The following GRM1 variants were observed in gnomAD, a reference collection of about 807,000 sequenced individuals.
The protein encoded by GRM1 is glutamate metabotropic receptor 1.
A neutral mutation model predicts 90.9 loss-of-function variants in GRM1; 33 were observed. That is an observed-to-expected ratio of 0.36 (90% CI 0.28 to 0.49). The LOEUF (loss-of-function observed/expected upper bound fraction) is 0.49. Among genes scored for constraint, GRM1 ranks in the 20% least tolerant of loss-of-function variants. The probability of loss-of-function intolerance (pLI) is 0.99; values close to 1 mark genes in which losing one functional copy is unlikely to be tolerated. For synonymous variants in GRM1, 700 were observed against 613.2 expected (o/e 1.14, Z -2.09); for missense variants, 1,190 against 1,534.3 (o/e 0.78, Z 3.75).
chr6:146,315,768 G>T (rs1376361818), intron 3 of GRM1, among the ~76,000 whole-genome samples: 2 of 152,174 alleles, frequency 1.3e-5, no homozygotes, highest in African/African-American at 2.4e-5. Flanking sequence ...CAAGTTGAGA[G>T]CCTGCTAAGG....
At chr6:146,407,855 A>T (rs533831493) in intron 7 of GRM1, among the ~76,000 whole-genome samples, 3 of 152,336 alleles carry the variant, frequency 2.0e-5, no homozygotes, top group East Asian at 3.9e-4. Context: ...TTCCCAAAAA[A>T]TTCATGGTAT....
chr6:146,310,662 T>C (rs919221385), intron 3 of GRM1, among the ~76,000 whole-genome samples: 3 of 152,228 alleles, frequency 2.0e-5, no homozygotes, highest in Non-Finnish European at 4.4e-5. Flanking sequence ...GTTTAGGCCT[T>C]AAGAGACTTG....
intron 3 of GRM1, among the ~76,000 whole-genome samples, chr6:146,327,967 A>G (rs1784452135): frequency 6.6e-6 from 1 of 152,164 alleles, no homozygotes; most frequent in African/African-American, 2.4e-5. Context: ...CTGGATTTCC[A>G]CAGGCAAGGA....
intron 7 of GRM1, among the ~76,000 whole-genome samples, chr6:146,411,559 A>G (rs538570267): frequency 6.6e-6 from 1 of 152,214 alleles, no homozygotes; most frequent in African/African-American, 2.4e-5. Context: ...GTGTTTCAGA[A>G]CTATCACTGT....
At position 146,133,109 on chromosome 6, in the gene GRM1, A is replaced by G. The variant is rs568085787; in HGVS notation, c.701-26239A>G. Among the ~76,000 whole-genome samples the G allele has an allele frequency of 2.6e-5, 4 of 152,332 alleles. No homozygotes were observed. The South Asian group carries it at 6.2e-4, about 24-fold the overall frequency. On this transcript the variant is annotated intron_variant, in intron 1 of 7. Transcript: ENST00000282753. The stretch of plus-strand genomic sequence containing the variant: ...GGAGGCTATCATATGGCAGGCAGTC[A>G]TAGAGCTTGGCAAACTGTCCTTGGA...
Position 146,332,821 on chromosome 6 carries a change from T to C in GRM1, c.1187-19429T>C, listed in dbSNP as rs1453679108. 2.0e-5 allele frequency among the ~76,000 whole-genome samples: 3 copies of C among 152,148 alleles called. No homozygotes were observed. In the East Asian group the frequency reaches 5.8e-4, roughly 29 times the overall value. ...CTCAAAATCACTTTTTAAATTTCAA[T>C]TCCATGAGCTTGGCGACCCTGCCAT... On this transcript the variant is annotated intron_variant, in intron 3 of 7. Transcript: ENST00000282753.
intron 2 of GRM1, among the ~76,000 whole-genome samples, chr6:146,301,139 A>C (rs1367605073): frequency 6.6e-6 from 1 of 152,162 alleles, no homozygotes; most frequent in Non-Finnish European, 1.5e-5. Context: ...TAACTCTTTA[A>C]AACATATCCA....
intron 1 of GRM1, among the ~76,000 whole-genome samples, chr6:146,153,962 A>T (rs1182992167): frequency 1.3e-5 from 2 of 152,216 alleles, no homozygotes; most frequent in East Asian, 3.8e-4. Context: ...AAGAATCAGG[A>T]CAGAGCTGTT....
chr6:146,337,225 C>A (rs757293789), intron 3 of GRM1, among the ~76,000 whole-genome samples: 1 of 152,188 alleles, frequency 6.6e-6, no homozygotes, highest in Non-Finnish European at 1.5e-5. Context: ...AGCCCACTGC[C>A]CAGACCCAGC....
intron 1 of GRM1, among the ~76,000 whole-genome samples, chr6:146,086,235 T>C (rs183815924): frequency 1.3e-5 from 2 of 152,272 alleles, no homozygotes; most frequent in Admixed American, 1.3e-4. Flanking sequence ...ACTTGACCTA[T>C]GGTGATAGCT....
intron 2 of GRM1, among the ~76,000 whole-genome samples, chr6:146,225,386 T>A (rs924646210): frequency 1.3e-5 from 2 of 152,030 alleles, no homozygotes; most frequent in Non-Finnish European, 2.9e-5. Flanking sequence ...TCCAGGGAAG[T>A]CCTCCCTTTG....
chr6:146,369,447 A>C (rs1775817541), intron 5 of GRM1, among the ~76,000 whole-genome samples: 1 of 151,830 alleles, frequency 6.6e-6, no homozygotes, highest in African/African-American at 2.4e-5. Context: ...TTTTTGATGT[A>C]GGTATTTATT....
intron 7 of GRM1, among the ~76,000 whole-genome samples, chr6:146,422,752 A>C (rs1463733027): frequency 6.6e-6 from 1 of 152,238 alleles, no homozygotes; most frequent in African/African-American, 2.4e-5. Context: ...TGTAAATAAA[A>C]TATTAAAGCA....
chr6:146,386,517 C>T (rs1464777588), intron 5 of GRM1, among the ~76,000 whole-genome samples: 1 of 151,976 alleles, frequency 6.6e-6, no homozygotes, highest in Non-Finnish European at 1.5e-5. Flanking sequence ...TTTAGTAAAA[C>T]ATTACTTGCT....
chr6:146,270,913 C>CTTTCT (rs1562571282), intron 2 of GRM1, among the ~76,000 whole-genome samples: 3 of 71,660 alleles, frequency 4.2e-5, no homozygotes, highest in African/African-American at 1.9e-4. Flanking sequence ...TTCTTTCTTT[C>CTTTCT]TTCCTTCCTT....
intron 7 of GRM1, among the ~76,000 whole-genome samples, chr6:146,407,832 GAGAT>G (rs1777403547): frequency 6.6e-6 from 1 of 152,126 alleles, no homozygotes. Flanking sequence ...CAATTAATAA[GAGAT>G]AGAGCCCATT....
chr6:146,402,480 A>C (rs1160393534), intron 7 of GRM1, among the ~76,000 whole-genome samples: 1 of 152,172 alleles, frequency 6.6e-6, no homozygotes, highest in Non-Finnish European at 1.5e-5. Flanking sequence ...CAAACAGTCT[A>C]ATATTTTTAC....
chr6:146,074,937 A>G (rs1391872490), intron 1 of GRM1, among the ~76,000 whole-genome samples: 1 of 152,210 alleles, frequency 6.6e-6, no homozygotes, highest in African/African-American at 2.4e-5. Context: ...ATGCTGCCAA[A>G]TAAGAGCATT....
intron 7 of GRM1, among the ~76,000 whole-genome samples, chr6:146,433,519 T>C (rs548547910): frequency 7.5e-6 from 1 of 133,726 alleles, no homozygotes; most frequent in African/African-American, 3.2e-5. Flanking sequence ...TTGGGAGTTT[T>C]TCAAAAGTGT....
Sources: gnomAD v4.1 joint callset for allele counts (sites outside exome capture counted in the v4.1 genomes callset) on GRCh38, gnomAD v4.1.1 for gene constraint, MANE v1.5 for transcripts, NCBI Gene and HGNC (gene_info 2026-07-23, HGNC 2026-07-21) for gene names.